The following NKAIN3 variants were observed in gnomAD, a reference collection of about 807,000 sequenced individuals.
NKAIN3 encodes sodium/potassium transporting ATPase interacting 3.
A neutral mutation model predicts 30.2 loss-of-function variants in NKAIN3; 25 were observed. The ratio of observed to expected loss-of-function variants is 0.83; its 90% CI spans 0.60 to 1.16. The LOEUF is 1.16. NKAIN3 is among the 50% of genes most tolerant of loss of function. The pLI is 0.00. For synonymous variants in NKAIN3, 91 were observed against 89.6 expected, an observed-to-expected ratio of 1.02 and a Z score of -0.09; for missense variants, 225 against 254.1, an observed-to-expected ratio of 0.89 and a Z score of 0.78.
intron 4 of NKAIN3, among the ~76,000 whole-genome samples, chr8:62,839,165 A>C (rs1423514084): frequency 6.6e-6 from 1 of 152,126 alleles, no homozygotes; most frequent in East Asian, 1.9e-4. Context: ...CTAAAGACAT[A>C]ACAACAAGAA....
intron 4 of NKAIN3, among the ~76,000 whole-genome samples, chr8:62,775,709 C>T (rs769170411): frequency 5.9e-5 from 9 of 151,996 alleles, no homozygotes; most frequent in Non-Finnish European, 8.8e-5. Context: ...TCTATAGTTT[C>T]CCAAATTCCT....
chr8:62,972,686 A>G lies in NKAIN3; in HGVS notation c.*7279A>G, dbSNP rs748207316. Among the ~76,000 whole-genome samples the G allele has an allele frequency of 7.2e-5, 11 of 152,132 alleles. No individual in the cohort carries two copies. Among genetic ancestry groups the G allele is most frequent in the Admixed American group, 2.6e-4 (4 of 15,272 alleles). ...TATGATTTATTTACATTCTTTTTTC[A>G]TATATATACTTTAAGTTCTGGGATA... On this transcript the variant is annotated 3_prime_UTR_variant, in exon 7 of 7. Coordinates refer to ENST00000623646, the MANE Select transcript of NKAIN3 (RefSeq NM_001304533.3).
intron 4 of NKAIN3, among the ~76,000 whole-genome samples, chr8:62,908,111 G>A (rs1173793273): frequency 6.6e-6 from 1 of 152,160 alleles, no homozygotes; most frequent in Admixed American, 6.5e-5. Context: ...GCATCAGTGT[G>A]ACCCGGATGT....
At chr8:62,711,674 G>A (rs1814722886) in intron 3 of NKAIN3, among the ~76,000 whole-genome samples, 1 of 152,028 alleles carries the variant, frequency 6.6e-6, no homozygotes, top group South Asian at 2.1e-4. Context: ...CCTTGCATTG[G>A]ACTTCACCTT....
rs1338734776 is a variant in NKAIN3, at chr8:62,968,500, T to C, written c.*3093T>C. On this transcript the variant is annotated 3_prime_UTR_variant, in exon 7 of 7. Transcript: ENST00000623646. Reference sequence around the variant, plus strand: ...TCTGGTCAGAGTAAGGGAAAATGAATGCATCCCTTAGCTTGCATTCATTGG... The same window carrying C: ...TCTGGTCAGAGTAAGGGAAAATGAACGCATCCCTTAGCTTGCATTCATTGG... Among the ~76,000 whole-genome samples, 3 of 152,190 alleles carry C rather than the reference T, an allele frequency of 2.0e-5. No individual in the cohort carries two copies. Among genetic ancestry groups the C allele is most frequent in the Non-Finnish European group, 2.9e-5 (2 of 68,038 alleles).
intron 3 of NKAIN3, among the ~76,000 whole-genome samples, chr8:62,628,326 T>G (rs1811850630): frequency 6.6e-6 from 1 of 152,156 alleles, no homozygotes; most frequent in African/African-American, 2.4e-5. Context: ...CACAACAAAA[T>G]GCATTATTGA....
intron 4 of NKAIN3, among the ~76,000 whole-genome samples, chr8:62,770,979 G>A (rs1240234995): frequency 6.6e-6 from 1 of 152,022 alleles, no homozygotes; most frequent in Non-Finnish European, 1.5e-5. Flanking sequence ...CAAAAAATGA[G>A]ACATGCAAAG....
downstream of NKAIN3, among the ~76,000 whole-genome samples, chr8:62,985,336 T>C (rs1274246216): frequency 1.3e-5 from 2 of 152,204 alleles, no homozygotes; most frequent in Non-Finnish European, 2.9e-5. Flanking sequence ...GTGGTAAATA[T>C]ACTCCAGAAA....
intron 1 of NKAIN3, among the ~76,000 whole-genome samples, chr8:62,417,785 CT>C (rs1229414668): frequency 6.6e-6 from 1 of 151,910 alleles, no homozygotes; most frequent in Admixed American, 6.6e-5. Flanking sequence ...TGAGAAATTT[CT>C]ATTAAAACCT....
At chr8:62,931,919 A>C (rs112346074) in intron 5 of NKAIN3, among the ~76,000 whole-genome samples, 3 of 152,182 alleles carry the variant, frequency 2.0e-5, no homozygotes, top group Non-Finnish European at 4.4e-5. Context: ...TATTCTTTCC[A>C]TATTTTAAGT....
At chr8:62,614,201 G>A (rs1563484117) in intron 3 of NKAIN3, among the ~76,000 whole-genome samples, 2 of 152,238 alleles carry the variant, frequency 1.3e-5, no homozygotes, top group East Asian at 3.9e-4. Flanking sequence ...CTTGGGTATT[G>A]TGATCTGAGC....
At chr8:62,429,935 G>A (rs980782496) in intron 1 of NKAIN3, among the ~76,000 whole-genome samples, 7 of 151,562 alleles carry the variant, frequency 4.6e-5, no homozygotes, top group East Asian at 1.9e-4. Context: ...ACCACCATCC[G>A]TCTCCATAAC....
In NKAIN3 at chr8:62,803,936, C is replaced by T. The variant is rs1818171793; in HGVS notation, c.471+56807C>T. 3.3e-5 allele frequency among the ~76,000 whole-genome samples: 5 copies of T among 152,084 alleles called. No homozygotes were observed. The South Asian group carries it at 1.0e-3, about 32-fold the overall frequency. ...ATAAAAAATGATAAAGGGGATATCA[C>T]CACTGATCCCACAGAAATACAAACT... On this transcript the variant is annotated intron_variant, in intron 4 of 6. Transcript: ENST00000623646.
chr8:62,838,642 A>G (rs1176411400), intron 4 of NKAIN3, among the ~76,000 whole-genome samples: 1 of 152,106 alleles, frequency 6.6e-6, no homozygotes, highest in African/African-American at 2.4e-5. Context: ...TTGACTCCAT[A>G]TACGGAAGCC....
chr8:62,584,881 G>C (rs1378849846), intron 2 of NKAIN3, among the ~76,000 whole-genome samples: 1 of 152,160 alleles, frequency 6.6e-6, no homozygotes, highest in Non-Finnish European at 1.5e-5. Context: ...ATTCAACAAT[G>C]TGTACTTCTG....
chr8:62,933,681 G>A (rs908266967), intron 5 of NKAIN3, among the ~76,000 whole-genome samples: 1 of 152,166 alleles, frequency 6.6e-6, no homozygotes, highest in African/African-American at 2.4e-5. Flanking sequence ...TCAGCACTGA[G>A]TATGAGAAAC....
At chr8:62,372,882 G>T (rs1816953256) in intron 1 of NKAIN3, among the ~76,000 whole-genome samples, 1 of 151,760 alleles carries the variant, frequency 6.6e-6, no homozygotes, top group Non-Finnish European at 1.5e-5. Context: ...CTTTTTGCAG[G>T]CATTTTTAAA....
intron 1 of NKAIN3, among the ~76,000 whole-genome samples, chr8:62,473,672 C>T (rs1014397459): frequency 6.6e-6 from 1 of 152,104 alleles, no homozygotes; most frequent in Non-Finnish European, 1.5e-5. Context: ...GAACTTGACA[C>T]ATTTCTCTGA....
chr8:62,408,420 G>A (rs1006670509), intron 1 of NKAIN3, among the ~76,000 whole-genome samples: 1 of 152,062 alleles, frequency 6.6e-6, no homozygotes, highest in Non-Finnish European at 1.5e-5. Context: ...CTCACCTGTA[G>A]AGTATGACTG....
Sources: gnomAD v4.1 joint callset for allele counts (sites outside exome capture counted in the v4.1 genomes callset) on GRCh38, gnomAD v4.1.1 for gene constraint, MANE v1.5 for transcripts, NCBI Gene and HGNC (gene_info 2026-07-23, HGNC 2026-07-21) for gene names.